The following ZMYM1 variants were observed in gnomAD, a reference collection of about 807,000 sequenced individuals.
ZMYM1 encodes zinc finger MYM-type protein 1.
In ZMYM1, 39 loss-of-function variants were observed where a neutral mutation model predicts 60.0. The ratio of observed to expected loss-of-function variants is 0.65; its 90% CI spans 0.50 to 0.85. The LOEUF is 0.85. ZMYM1 is among the 40% of genes least tolerant of loss of function. The pLI is 0.00. For synonymous variants in ZMYM1, 413 were observed against 454.0 expected, an observed-to-expected ratio of 0.91 and a Z score of 1.15; for missense variants, 1,171 against 1,309.5, an observed-to-expected ratio of 0.89 and a Z score of 1.63.
rs531660326 is a variant in ZMYM1, at chr1:35,115,280, C to A, written c.*21C>A. The stretch of plus-strand genomic sequence containing the variant: ...TATAATACATGCTCATTTGAACTTA[C>A]CTAAAAGACTTGTATTTCCATTGGG... On this transcript the variant is annotated 3_prime_UTR_variant, in exon 10 of 10. Transcript: ENST00000359858. The A allele has an allele frequency of 4.6e-6, 7 of 1,513,358 alleles. No individual in the cohort carries two copies. The highest frequency in any genetic ancestry group is 2.3e-5 in the Admixed American group (1 of 42,686). 93.7% of individuals were successfully genotyped at this position (1,513,358 alleles called of 1,614,324 possible). A position where few individuals can be genotyped will look rare whatever the true frequency, so the allele number is the denominator to read the frequency against.
upstream of ZMYM1, chr1:35,079,029 C>T (rs1398579572): frequency 6.6e-6 from 1 of 151,934 alleles, no homozygotes; most frequent in African/African-American, 2.4e-5. Flanking sequence ...TACAAACCTA[C>T]GATGCAGCCA....
At chr1:35,084,164 T>G (rs971654744) in intron 1 of ZMYM1, among the ~76,000 whole-genome samples, 1 of 151,948 alleles carries the variant, frequency 6.6e-6, no homozygotes, top group African/African-American at 2.4e-5. Context: ...TTTCCAATTC[T>G]AGATTTTCCA....
At chr1:35,091,968 C>T (rs1643037332) in intron 1 of ZMYM1, among the ~76,000 whole-genome samples, 3 of 151,970 alleles carry the variant, frequency 2.0e-5, no homozygotes, top group African/African-American at 7.2e-5. Context: ...CTCTGTCTCC[C>T]AGGCTGGAGT....
intron 1 of ZMYM1, among the ~76,000 whole-genome samples, chr1:35,084,332 T>G (rs1642546631): frequency 6.6e-6 from 1 of 152,192 alleles, no homozygotes; most frequent in East Asian, 1.9e-4. Flanking sequence ...CCAGTCAGTT[T>G]TGGGATTTTA....
chr1:35,085,408 T>G (rs1046151390), intron 1 of ZMYM1, among the ~76,000 whole-genome samples: 2 of 152,202 alleles, frequency 1.3e-5, no homozygotes, highest in African/African-American at 2.4e-5. Flanking sequence ...GTTTCCAAAC[T>G]GCATAGGATC....
chr1:35,118,201 A>G (rs1474985439), downstream of ZMYM1, among the ~76,000 whole-genome samples: 1 of 149,556 alleles, frequency 6.7e-6, no homozygotes, highest in Non-Finnish European at 1.5e-5. Context: ...AGATCGTGCC[A>G]TTGCACTCCA....
chr1:35,076,245 C>T (rs1200560239), upstream of ZMYM1, among the ~76,000 whole-genome samples: 4 of 152,224 alleles, frequency 2.6e-5, no homozygotes, highest in East Asian at 7.7e-4. Context: ...AGACCCCCTT[C>T]TTTCCCAACC....
chr1:35,088,805 C>CA (rs1642823599), intron 1 of ZMYM1, among the ~76,000 whole-genome samples: 2 of 119,614 alleles, frequency 1.7e-5, no homozygotes, highest in Admixed American at 2.1e-4. Flanking sequence ...GGATGCTTTC[C>CA]TTTTTTTTTT....
intron 1 of ZMYM1, among the ~76,000 whole-genome samples, chr1:35,072,228 C>T (rs1005149208): frequency 6.6e-6 from 1 of 152,160 alleles, no homozygotes; most frequent in Non-Finnish European, 1.5e-5. Flanking sequence ...CTTTTTATTA[C>T]AGTTTCAATT....
intron 6 of ZMYM1, among the ~76,000 whole-genome samples, chr1:35,105,073 C>T (rs1020337556): frequency 2.0e-5 from 3 of 151,570 alleles, no homozygotes; most frequent in African/African-American, 7.3e-5. Context: ...TCAATAAAAC[C>T]CAAACACAAA....
At chr1:35,097,816 G>A (rs1470277305) in intron 4 of ZMYM1, among the ~76,000 whole-genome samples, 1 of 151,958 alleles carries the variant, frequency 6.6e-6, no homozygotes, top group East Asian at 1.9e-4. Context: ...GGCTAATTTT[G>A]TATTTTTTAG....
chr1:35,110,794 C>T (rs1250062145), intron 7 of ZMYM1, among the ~76,000 whole-genome samples: 2 of 151,836 alleles, frequency 1.3e-5, no homozygotes, highest in South Asian at 2.1e-4. Flanking sequence ...ATTAGCTGGG[C>T]GTGTTGGTGG....
chr1:35,063,707 G>T (rs886654527), intron 1 of ZMYM1, among the ~76,000 whole-genome samples: 2 of 152,096 alleles, frequency 1.3e-5, no homozygotes, highest in Admixed American at 1.3e-4. Flanking sequence ...AAGGAAATAG[G>T]GTTTGCTGAA....
intron 6 of ZMYM1, 119 bp from the exon 7 acceptor site, chr1:35,110,175 A>G (rs961373841): frequency 1.3e-6 from 1 of 755,034 alleles, no homozygotes; most frequent in African/African-American, 1.8e-5. Context: ...GAAAATGTAA[A>G]AACTGTCTTA....
At chr1:35,091,014 G>T (rs969196916) in intron 1 of ZMYM1, among the ~76,000 whole-genome samples, 6 of 151,932 alleles carry the variant, frequency 3.9e-5, no homozygotes, top group South Asian at 4.2e-4. Context: ...GGGAGAAGAA[G>T]AATAATTCCA....
At chr1:35,071,886 C>T (rs1209308940) in intron 1 of ZMYM1, among the ~76,000 whole-genome samples, 2 of 152,152 alleles carry the variant, frequency 1.3e-5, no homozygotes, top group Non-Finnish European at 2.9e-5. Flanking sequence ...TGCCGGTAAT[C>T]CCAGCACTTT....
At chr1:35,107,143 G>A (rs1475299887) in intron 6 of ZMYM1, among the ~76,000 whole-genome samples, 30 of 149,154 alleles carry the variant, frequency 2.0e-4, no homozygotes, top group East Asian at 4.1e-4. Flanking sequence ...GAGCCACCGC[G>A]CCTGGCCGGC....
At position 35,115,405 on chromosome 1, in the gene ZMYM1, G is replaced by A; in HGVS notation, c.*146G>A. The A allele has an allele frequency of 1.0e-6, 1 of 998,254 alleles. No homozygotes were observed. The highest frequency in any genetic ancestry group is 1.4e-6 in the Non-Finnish European group (1 of 713,974). 61.8% of individuals were successfully genotyped at this position (998,254 alleles called of 1,614,324 possible). A position where few individuals can be genotyped will look rare whatever the true frequency, so the allele number is the denominator to read the frequency against. Reference sequence around the variant, plus strand: ...AGAACTCATTTTCTCTTCCCAAAAAGTGTTATCTTTTCCTTAAATATCCCT... The same window carrying A: ...AGAACTCATTTTCTCTTCCCAAAAAATGTTATCTTTTCCTTAAATATCCCT... On this transcript the variant is annotated 3_prime_UTR_variant, in exon 10 of 10. Transcript: ENST00000359858.
chr1:35,113,318 A>C lies in ZMYM1; in HGVS notation c.1488A>C (p.Ala496=). Residue 496 remains alanine, a synonymous_variant, in exon 10 of 10, where the codon GCA becomes GCC. Transcript: ENST00000359858. ...KYFSCGRESF[A]THGTSNWKKT... ...TTAGCTGTGGAAGAGAGTCATTTGCAACCCACGGAACTTCTAATTGGAAAA... is the reference window on the plus strand; with the variant it reads ...TTAGCTGTGGAAGAGAGTCATTTGCCACCCACGGAACTTCTAATTGGAAAA... 10 of 1,612,662 alleles carry C rather than the reference A, an allele frequency of 6.2e-6. No homozygotes were observed. Among genetic ancestry groups the C allele is most frequent in the Non-Finnish European group, 8.5e-6 (10 of 1,179,266 alleles).
Sources: gnomAD v4.1 joint callset for allele counts (sites outside exome capture counted in the v4.1 genomes callset) on GRCh38, gnomAD v4.1.1 for gene constraint, MANE v1.5 for transcripts, NCBI Gene and HGNC (gene_info 2026-07-23, HGNC 2026-07-21) for gene names.